RSPH1: variants seen among roughly 807,000 people sequenced by gnomAD.
The protein encoded by RSPH1 is radial spoke head component 1.
A neutral mutation model predicts 44.2 loss-of-function variants in RSPH1; 32 were observed. The observed-to-expected ratio is 0.72, with a 90% confidence interval of 0.55 to 0.97. The LOEUF is 0.97. Among genes scored for constraint, RSPH1 ranks in the 50% least tolerant of loss-of-function variants. The pLI is 0.00. For synonymous variants in RSPH1, 134 were observed against 147.3 expected (o/e 0.91, Z 0.65); for missense variants, 391 against 398.7 (o/e 0.98, Z 0.16).
At position 42,477,039 on chromosome 21, in the gene RSPH1, G is replaced by C. The variant is rs1285656365; in HGVS notation, c.727+252C>G. 1.1e-4 allele frequency among the ~76,000 whole-genome samples: 3 copies of C among 27,282 alleles called. 1 individual carries two copies. Among genetic ancestry groups the C allele is most frequent in the Non-Finnish European group, 1.6e-4 (2 of 12,314 alleles). 17.9% of individuals were successfully genotyped at this position (27,282 alleles called of 152,430 possible). A position where few individuals can be genotyped will look rare whatever the true frequency, so the allele number is the denominator to read the frequency against. ...CCCCACACCCTCTGTCCCACAGCCC[G>C]GGGGTGCCCCACACCCTCTGCCCCC... On this transcript the variant is annotated intron_variant, in intron 7 of 8. Transcript: ENST00000291536.
In RSPH1 at chr21:42,477,326, G is replaced by T. The variant is rs778123315; in HGVS notation, c.692C>A (p.Thr231Lys). 1.2e-6 allele frequency: 2 copies of T among 1,601,822 alleles called. No individual in the cohort carries two copies. The highest frequency in any genetic ancestry group is 1.1e-5 in the South Asian group (1 of 90,828). The change falls in exon 7 of 9, where the codon ACG becomes AAG. Residue 231 changes from threonine (T) to lysine (K), a missense_variant. Physicochemically the swap from Thr to Lys is moderately conservative, Grantham distance 78. Transcript: ENST00000291536. The part of the protein sequence containing the change: ...TPTLPKKPTS[T>K]DGPGQDAPGA... ...TGGAGCGTCTTGGCCAGGTCCATCC[G>T]TAGAGGTCGGCTTTTTGGGGAGAGT...
intron 5 of RSPH1, among the ~76,000 whole-genome samples, 164 bp from the exon 6 acceptor site, chr21:42,482,872 T>C (rs986177740): frequency 1.3e-5 from 2 of 152,258 alleles, no homozygotes; most frequent in Admixed American, 6.5e-5. Flanking sequence ...TTGGAACTTA[T>C]ATGCCCTGTT....
chr21:42,477,711 A>AG lies in RSPH1; in HGVS notation c.574-268dup, dbSNP rs759285094. 3.2e-4 allele frequency among the ~76,000 whole-genome samples: 49 copies of AG among 152,328 alleles called. No homozygotes were observed. In the Middle Eastern group the frequency reaches 0.01, roughly 32 times the overall value. ...CGAGCTTTATAATGGGTGCCACAAA[A>AG]GGCTTTCAGATGAGCATGTCGCAGT... On this transcript the variant is annotated intron_variant, in intron 6 of 8. Coordinates refer to ENST00000291536, the MANE Select transcript of RSPH1 (RefSeq NM_080860.4).
chr21:42,489,424 T>C (rs1176644091), intron 3 of RSPH1, among the ~76,000 whole-genome samples: 2 of 152,210 alleles, frequency 1.3e-5, no homozygotes, highest in East Asian at 1.9e-4. Context: ...TGTGGGTCAG[T>C]TGGCTGGTGT....
At chr21:42,477,243 C>G in intron 7 of RSPH1, 48 bp downstream of exon 7, 1 of 1,493,312 alleles carries the variant, frequency 6.7e-7, no homozygotes, top group Non-Finnish European at 9.2e-7. Context: ...CCGGGGGTGC[C>G]CCACACCCTC....
At chr21:42,479,453 T>C (rs1158874571) in intron 6 of RSPH1, among the ~76,000 whole-genome samples, 1 of 152,210 alleles carries the variant, frequency 6.6e-6, no homozygotes, top group Non-Finnish European at 1.5e-5. Flanking sequence ...TAGGAACTTT[T>C]TCCAGTAGAG....
chr21:42,476,047 C>T lies in RSPH1; in HGVS notation c.728G>A (p.Ser243Asn), dbSNP rs751304584. 2 of 1,613,696 alleles carry T rather than the reference C, an allele frequency of 1.2e-6. No individual in the cohort carries two copies. Residue 243 changes from serine (S) to asparagine (N), a missense_variant and splice_region_variant, in exon 8 of 9, where the codon AGT becomes AAT. Transcript: ENST00000291536. ...GPGQDAPGAESAGEPGEEAQA... is the reference protein window; with the variant it reads ...GPGQDAPGAENAGEPGEEAQA... Reference sequence around the variant, plus strand: ...GGCCTCCTCCCCGGGTTCTCCTGCACCTGAGATAAAACACAAGTCAGAAGC... The same window carrying T: ...GGCCTCCTCCCCGGGTTCTCCTGCATCTGAGATAAAACACAAGTCAGAAGC...
At chr21:42,482,750 C>G (rs1446918365) in intron 5 of RSPH1, 42 bp from the exon 6 acceptor site, 1 of 1,444,764 alleles carries the variant, frequency 6.9e-7, no homozygotes, top group East Asian at 2.3e-5. Flanking sequence ...CAACACCCAG[C>G]AGAAAATACA....
chr21:42,480,804 G>A (rs769731203), intron 6 of RSPH1, among the ~76,000 whole-genome samples: 5 of 152,088 alleles, frequency 3.3e-5, no homozygotes, highest in Non-Finnish European at 5.9e-5. Flanking sequence ...GAGCAGGTGC[G>A]GGACAGGCCC....
At chr21:42,483,662 T>C (rs1452668847) in intron 5 of RSPH1, among the ~76,000 whole-genome samples, 1 of 152,206 alleles carries the variant, frequency 6.6e-6, no homozygotes, top group East Asian at 1.9e-4. Flanking sequence ...TTCTAATCTA[T>C]AAGAAGTTAT....
At chr21:42,484,918 G>C (rs1040317262) in intron 5 of RSPH1, 9 of 152,186 alleles carry the variant, frequency 5.9e-5, no homozygotes, top group Non-Finnish European at 1.3e-4. Context: ...GGTTCTAAGA[G>C]AGTCTGAAGA....
At chr21:42,491,776 A>T (rs974104764) in intron 3 of RSPH1, among the ~76,000 whole-genome samples, 3 of 152,206 alleles carry the variant, frequency 2.0e-5, no homozygotes, top group African/African-American at 7.2e-5. Context: ...CAAAGCAAGC[A>T]ACTATAGCTC....
In RSPH1 at chr21:42,482,726, C is replaced by T. The variant is rs371221411; in HGVS notation, c.502-18G>A. On this transcript the variant is annotated intron_variant, in intron 5 of 8. Coordinates refer to ENST00000291536, the MANE Select transcript of RSPH1 (RefSeq NM_080860.4). ...CCAACAGGCTACGAGCAAAGAGAAACCATTCTTAAGTGTCAACACCCAGCA... is the reference window on the plus strand; with the variant it reads ...CCAACAGGCTACGAGCAAAGAGAAATCATTCTTAAGTGTCAACACCCAGCA... 4.3e-5 allele frequency: 69 copies of T among 1,601,270 alleles called. No homozygotes were observed. In the African/African-American group the frequency reaches 6.7e-4, roughly 16 times the overall value.
intron 6 of RSPH1, among the ~76,000 whole-genome samples, chr21:42,479,725 T>TTACA (rs1047028005): frequency 1.4e-4 from 14 of 101,692 alleles, no homozygotes; most frequent in Non-Finnish European, 2.6e-4. Context: ...GTGTAGGAGG[T>TTACA]TACACACACA....
chr21:42,475,374 C>G (rs1309697732), intron 8 of RSPH1, among the ~76,000 whole-genome samples: 2 of 151,966 alleles, frequency 1.3e-5, no homozygotes, highest in African/African-American at 4.8e-5. Flanking sequence ...TGAGACCAGT[C>G]TGTCCAACAC....
chr21:42,481,807 C>T (rs747304001), intron 6 of RSPH1, among the ~76,000 whole-genome samples: 1 of 152,160 alleles, frequency 6.6e-6, no homozygotes, highest in Non-Finnish European at 1.5e-5. Context: ...AACACACATA[C>T]GCATCTCGAT....
At chr21:42,473,888 T>G (rs1006576814) in intron 8 of RSPH1, among the ~76,000 whole-genome samples, 1 of 152,022 alleles carries the variant, frequency 6.6e-6, no homozygotes, top group East Asian at 1.9e-4. Context: ...CTCCAGACAT[T>G]GCCAAATGTC....
chr21:42,481,427 G>A (rs1308561953), intron 6 of RSPH1, among the ~76,000 whole-genome samples: 2 of 152,086 alleles, frequency 1.3e-5, no homozygotes, highest in Non-Finnish European at 2.9e-5. Context: ...CTTTATAGCA[G>A]CACAAAAAGG....
chr21:42,478,497 C>T (rs112892380), intron 6 of RSPH1, among the ~76,000 whole-genome samples: 90 of 152,342 alleles, frequency 5.9e-4, no homozygotes, highest in Middle Eastern at 3.4e-3. Flanking sequence ...CAATAAGCTG[C>T]ATTCCTAACA....
Sources: gnomAD v4.1 joint callset for allele counts (sites outside exome capture counted in the v4.1 genomes callset) on GRCh38, gnomAD v4.1.1 for gene constraint, MANE v1.5 for transcripts, NCBI Gene and HGNC (gene_info 2026-07-23, HGNC 2026-07-21) for gene names.